CABCOCO1: variants seen among roughly 807,000 people sequenced by gnomAD.
The protein encoded by CABCOCO1 is ciliary-associated calcium-binding coiled-coil protein 1.
Under a neutral mutation model 35.7 loss-of-function variants are expected in CABCOCO1, and 28 were observed. The observed-to-expected ratio is 0.78, with a 90% CI of 0.58 to 1.07. CABCOCO1 has a LOEUF of 1.07. Among genes scored for constraint, CABCOCO1 ranks in the 50% least tolerant of loss-of-function variants. The pLI, the probability that CABCOCO1 is intolerant of heterozygous loss-of-function variation, is 0.00. For missense variants in CABCOCO1, 326 were observed against 309.2 expected (o/e 1.05, Z -0.41); for synonymous variants, 95 against 100.1 (o/e 0.95, Z 0.30).
intron 5 of CABCOCO1, among the ~76,000 whole-genome samples, chr10:61,694,586 T>C (rs1381462536): frequency 6.6e-6 from 1 of 151,932 alleles, no homozygotes; most frequent in Non-Finnish European, 1.5e-5. Flanking sequence ...TATAATTTGG[T>C]CAACACTTCC....
chr10:61,748,187 C>T (rs1472219083), intron 5 of CABCOCO1, among the ~76,000 whole-genome samples: 2 of 151,672 alleles, frequency 1.3e-5, no homozygotes, highest in Non-Finnish European at 2.9e-5. Context: ...AAATTTGGCA[C>T]TATTAATTAA....
chr10:61,667,484 TCATTA>T (rs1313251624), intron 1 of CABCOCO1, among the ~76,000 whole-genome samples: 1 of 151,638 alleles, frequency 6.6e-6, no homozygotes, highest in Non-Finnish European at 1.5e-5. Context: ...TTTGAGACTG[TCATTA>T]CATTACATTT....
intron 5 of CABCOCO1, among the ~76,000 whole-genome samples, chr10:61,718,950 A>T (rs1405357164): frequency 6.6e-6 from 1 of 152,208 alleles, no homozygotes; most frequent in South Asian, 2.1e-4. Flanking sequence ...AGTCCAGTAA[A>T]ATTGTCAAAT....
intron 3 of CABCOCO1, among the ~76,000 whole-genome samples, chr10:61,681,574 C>A (rs1348177661): frequency 6.6e-6 from 1 of 152,062 alleles, no homozygotes; most frequent in Non-Finnish European, 1.5e-5. Flanking sequence ...GGCATCCACC[C>A]TCTAAATATC....
At chr10:61,680,993 T>G (rs1007135582) in intron 2 of CABCOCO1, 150 bp from the exon 3 acceptor site, 1 of 337,060 alleles carries the variant, frequency 3.0e-6, no homozygotes, top group African/African-American at 2.2e-5. Flanking sequence ...GTTTCTTTTT[T>G]GAATGTCATT....
At chr10:61,689,930 C>G (rs1840083813) in intron 4 of CABCOCO1, among the ~76,000 whole-genome samples, 1 of 152,096 alleles carries the variant, frequency 6.6e-6, no homozygotes, top group South Asian at 2.1e-4. Context: ...ATGCTGACCA[C>G]CTAGTCTTTA....
In CABCOCO1 at chr10:61,686,068, T is replaced by C. The variant is rs370292749; in HGVS notation, c.362T>C (p.Ile121Thr). The change falls in exon 4 of 8, where the codon ATA (isoleucine) becomes ACA (threonine). Residue 121 changes from isoleucine (I) to threonine (T), a missense_variant. Transcript: ENST00000648843. Reference sequence around the variant, plus strand: ...CTACATATGTCCTTAGAGGAAAGCATAAAATGGCTTGGAGAAGTTATGGCT... The same window carrying C: ...CTACATATGTCCTTAGAGGAAAGCACAAAATGGCTTGGAGAAGTTATGGCT... ...KTLHMSLEESIKWLGEVMAEI... is the reference protein window; with the variant it reads ...KTLHMSLEESTKWLGEVMAEI... 34 of 1,606,556 alleles carry C rather than the reference T, an allele frequency of 2.1e-5. No individual in the cohort carries two copies. The highest frequency in any genetic ancestry group is 8.1e-5 in the African/African-American group (6 of 74,462).
intron 5 of CABCOCO1, among the ~76,000 whole-genome samples, chr10:61,749,443 G>A (rs896181456): frequency 2.6e-5 from 4 of 152,138 alleles, no homozygotes; most frequent in East Asian, 3.8e-4. Flanking sequence ...CTTTATGCAC[G>A]CAATGCTTTT....
chr10:61,723,126 T>G, intron 5 of CABCOCO1, among the ~76,000 whole-genome samples: 1 of 152,144 alleles, frequency 6.6e-6, no homozygotes, highest in Non-Finnish European at 1.5e-5. Flanking sequence ...CAGCAACACT[T>G]TAAAAGAATA....
intron 5 of CABCOCO1, among the ~76,000 whole-genome samples, chr10:61,696,823 C>A (rs1403102856): frequency 2.0e-5 from 3 of 151,818 alleles, no homozygotes; most frequent in African/African-American, 4.8e-5. Flanking sequence ...ATTTTATACA[C>A]AAATAGTTTC....
At chr10:61,694,385 G>A (rs1840237608) in intron 5 of CABCOCO1, among the ~76,000 whole-genome samples, 2 of 150,510 alleles carry the variant, frequency 1.3e-5, no homozygotes. Context: ...ATAAACCTGT[G>A]CATACGTGGA....
intron 5 of CABCOCO1, among the ~76,000 whole-genome samples, chr10:61,716,782 C>T (rs1476776339): frequency 1.3e-5 from 2 of 152,052 alleles, no homozygotes; most frequent in African/African-American, 2.4e-5. Context: ...CTCTCTCAAA[C>T]TGCCTTGCAA....
chr10:61,688,592 G>T (rs747733350), intron 4 of CABCOCO1, among the ~76,000 whole-genome samples: 19 of 152,022 alleles, frequency 1.2e-4, no homozygotes, highest in Non-Finnish European at 1.9e-4. Flanking sequence ...CCAAATACAC[G>T]TCTGCCGTTG....
chr10:61,668,398 CAT>C (rs1839255319), intron 1 of CABCOCO1, among the ~76,000 whole-genome samples: 1 of 151,908 alleles, frequency 6.6e-6, no homozygotes, highest in Non-Finnish European at 1.5e-5. Context: ...ATTAGACTAA[CAT>C]AGAATTTATT....
chr10:61,710,649 T>C (rs1249249505), intron 5 of CABCOCO1, among the ~76,000 whole-genome samples: 3 of 151,920 alleles, frequency 2.0e-5, no homozygotes, highest in Non-Finnish European at 2.9e-5. Context: ...GGATACTTTT[T>C]TTAAAGTAAG....
At chr10:61,749,453 T>C (rs1407949904) in intron 5 of CABCOCO1, among the ~76,000 whole-genome samples, 1 of 152,238 alleles carries the variant, frequency 6.6e-6, no homozygotes. Context: ...GCAATGCTTT[T>C]TATATCTTGC....
Position 61,732,371 on chromosome 10 carries a change from A to C in CABCOCO1, c.553-27688A>C, listed in dbSNP as rs890020153. 2.0e-5 allele frequency among the ~76,000 whole-genome samples: 3 copies of C among 152,174 alleles called. No individual in the cohort carries two copies. The East Asian group carries it at 5.8e-4, about 29-fold the overall frequency. ...GGAAAATATGATGCCATCAATGTCT[A>C]ATCTAGAATGCAGGTTCAAAAAGCT... On this transcript the variant is annotated intron_variant, in intron 5 of 7. Transcript: ENST00000648843.
At chr10:61,763,957 C>G (rs892142563) in intron 7 of CABCOCO1, among the ~76,000 whole-genome samples, 1 of 152,070 alleles carries the variant, frequency 6.6e-6, no homozygotes, top group Admixed American at 6.6e-5. Flanking sequence ...AACTAAAGTA[C>G]TAAGCCTAAG....
chr10:61,741,559 T>G (rs1841549691), intron 5 of CABCOCO1, among the ~76,000 whole-genome samples: 1 of 134,606 alleles, frequency 7.4e-6, no homozygotes, highest in Non-Finnish European at 1.7e-5. Flanking sequence ...AATGCTAAAA[T>G]CTATATGATG....
Sources: gnomAD v4.1 joint callset for allele counts (sites outside exome capture counted in the v4.1 genomes callset) on GRCh38, gnomAD v4.1.1 for gene constraint, MANE v1.5 for transcripts, NCBI Gene and HGNC (gene_info 2026-07-23, HGNC 2026-07-21) for gene names.